The following ATRN variants were observed in gnomAD, a reference collection of about 807,000 sequenced individuals.
ATRN encodes the protein attractin, also known as attractin-2.
ATRN carries 54 observed loss-of-function variants against 178.7 expected under a neutral mutation model. That is an observed-to-expected ratio of 0.30 (90% CI 0.24 to 0.38). The LOEUF (loss-of-function observed/expected upper bound fraction) is 0.38, where lower values mean the gene tolerates loss of function less well. ATRN is among the 10% of genes least tolerant of loss of function. ATRN has a pLI of 1.00. For synonymous variants in ATRN, 636 were observed against 663.0 expected (o/e 0.96, Z 0.63); for missense variants, 1,443 against 1,815.1 (o/e 0.79, Z 3.73).
chr20:3,631,643 G>C (rs2086990495), intron 25 of ATRN, among the ~76,000 whole-genome samples: 1 of 152,100 alleles, frequency 6.6e-6, no homozygotes, highest in African/African-American at 2.4e-5. Flanking sequence ...GAATACAGAA[G>C]GGCCCTCTCA....
At chr20:3,552,395 A>C (rs1410047934) in intron 6 of ATRN, among the ~76,000 whole-genome samples, 1 of 149,256 alleles carries the variant, frequency 6.7e-6, no homozygotes, top group Non-Finnish European at 1.5e-5. Context: ...CATGTCCCAC[A>C]CTCATCTTTT....
chr20:3,615,574 G>GAACACTTC (rs2086834140), intron 24 of ATRN, among the ~76,000 whole-genome samples: 1 of 117,224 alleles, frequency 8.5e-6, no homozygotes, highest in African/African-American at 3.2e-5. Flanking sequence ...TTTTTTTTTG[G>GAACACTTC]AGACAGAGTC....
intron 18 of ATRN, 139 bp from the exon 19 acceptor site, chr20:3,591,030 A>G: frequency 1.1e-6 from 1 of 923,032 alleles, no homozygotes. Flanking sequence ...TTATTTCTCA[A>G]ATTAGTTTTT....
intron 1 of ATRN, among the ~76,000 whole-genome samples, chr20:3,506,881 AAAG>A (rs1251731538): frequency 6.6e-6 from 1 of 152,092 alleles, no homozygotes; most frequent in Non-Finnish European, 1.5e-5. Flanking sequence ...GAAAGTATAA[AAAG>A]AAGCATTGGA....
At chr20:3,607,004 T>G (rs1173262060) in intron 24 of ATRN, among the ~76,000 whole-genome samples, 1 of 152,226 alleles carries the variant, frequency 6.6e-6, no homozygotes, top group East Asian at 1.9e-4. Context: ...CTGATTCAGC[T>G]TCTTTAATAG....
At chr20:3,631,943 C>T (rs964380840) in intron 25 of ATRN, among the ~76,000 whole-genome samples, 2 of 152,182 alleles carry the variant, frequency 1.3e-5, no homozygotes, top group African/African-American at 4.8e-5. Flanking sequence ...TCCTCAACTT[C>T]TCATTGTTAG....
chr20:3,547,880 G>T (rs561637030), intron 5 of ATRN, among the ~76,000 whole-genome samples: 1 of 63,732 alleles, frequency 1.6e-5, no homozygotes, highest in Non-Finnish European at 3.2e-5. Flanking sequence ...AAAGGAGTTA[G>T]CTAATAGTTA....
chr20:3,534,066 AGGGCAT>A (rs2085490518), intron 1 of ATRN, among the ~76,000 whole-genome samples: 1 of 152,206 alleles, frequency 6.6e-6, no homozygotes, highest in African/African-American at 2.4e-5. Flanking sequence ...TTTGGGGAGT[AGGGCAT>A]GGATACATCT....
At chr20:3,490,660 G>C (rs1166479232) in intron 1 of ATRN, 1 of 853,502 alleles carries the variant, frequency 1.2e-6, no homozygotes, top group East Asian at 2.4e-5. Flanking sequence ...CTCTTCACTT[G>C]GATTCTCTGA....
rs2146218654 is a variant in ATRN at position 3,559,340 on chromosome 20, T to C, written c.1113-53T>C. The C allele has an allele frequency of 2.4e-6, 3 of 1,254,784 alleles. No individual in the cohort carries two copies. The East Asian group carries it at 7.0e-5, about 29-fold the overall frequency. The allele number at this position is 1,254,784 out of a possible 1,614,324, so 77.7% of individuals were successfully genotyped here. A position where few individuals can be genotyped will look rare whatever the true frequency, so the allele number is the denominator to read the frequency against. On this transcript the variant is annotated intron_variant, in intron 6 of 28. Transcript: ENST00000262919. ...GGATTATGTCACAAATAAAATAGTA[T>C]GAGATGTTCTGTCTTATTAGTTGGG...
chr20:3,565,407 G>T lies in ATRN; in HGVS notation c.1846G>T (p.Gly616Cys). The T allele has an allele frequency of 6.2e-7, 1 of 1,614,002 alleles. No homozygotes were observed. The highest frequency in any genetic ancestry group is 8.5e-7 in the Non-Finnish European group (1 of 1,179,944). Residue 616 changes from glycine (G) to cysteine (C), a missense_variant, in exon 11 of 29, where the codon GGC (glycine) becomes TGC (cysteine). Physicochemically the swap from Gly to Cys is radical, Grantham distance 159. Around this residue, in one of 4 missense-constraint regions of ATRN, gnomAD observed 862 missense variants for 972.1 expected, o/e 0.89. Transcript: ENST00000262919. Reference sequence around the variant, plus strand: ...TCTCCACCATGATGTCAACAGATTTGGCCATTCAGCAGTCTTACACAACAG... The same window carrying T: ...TCTCCACCATGATGTCAACAGATTTTGCCATTCAGCAGTCTTACACAACAG... ...PDLHHDVNRF[G>C]HSAVLHNSTM...
At chr20:3,534,799 A>G (rs538685072) in intron 1 of ATRN, among the ~76,000 whole-genome samples, 5 of 152,172 alleles carry the variant, frequency 3.3e-5, no homozygotes, top group African/African-American at 1.2e-4. Flanking sequence ...CTCTGTTTCT[A>G]CAAAAAATAA....
Position 3,647,021 on chromosome 20 carries a change from C to T in ATRN, c.*174C>T. ...AGCTTTCTTTGACGGTTTCTCCCAT[C>T]CGTGTTCCAGCATCTAACCTTTTAC... On this transcript the variant is annotated 3_prime_UTR_variant, in exon 29 of 29. Transcript: ENST00000262919. The T allele has an allele frequency of 1.2e-6, 1 of 846,592 alleles. No homozygotes were observed. Among genetic ancestry groups the T allele is most frequent in the Non-Finnish European group, 1.7e-6 (1 of 583,666 alleles). The allele number at this position is 846,592 out of a possible 1,614,324, so 52.4% of individuals were successfully genotyped here.
chr20:3,510,021 A>G (rs926002256), intron 1 of ATRN, among the ~76,000 whole-genome samples: 1 of 152,178 alleles, frequency 6.6e-6, no homozygotes, highest in African/African-American at 2.4e-5. Flanking sequence ...TAAACTATAT[A>G]TATCGTGGCT....
intron 24 of ATRN, among the ~76,000 whole-genome samples, chr20:3,608,979 G>GA (rs71195846): frequency 0.78 from 111,002 of 142,014 alleles, 43,514 homozygotes; most frequent in East Asian, 0.99. Context: ...AAAAAAAAAA[G>GA]AAAAAAAAAA....
intron 20 of ATRN, among the ~76,000 whole-genome samples, chr20:3,595,123 C>T (rs925119139): frequency 6.6e-6 from 1 of 152,208 alleles, no homozygotes; most frequent in Non-Finnish European, 1.5e-5. Flanking sequence ...GGTTTCAGAC[C>T]TGGCCCTGCC....
chr20:3,554,174 CA>C (rs2085829071), intron 6 of ATRN, among the ~76,000 whole-genome samples: 1 of 151,692 alleles, frequency 6.6e-6, no homozygotes, highest in African/African-American at 2.4e-5. Flanking sequence ...TTCTACTGAT[CA>C]AAACATGATT....
chr20:3,549,824 C>T (rs235598), intron 6 of ATRN, among the ~76,000 whole-genome samples: 113,871 of 152,080 alleles, frequency 0.75, 43,084 homozygotes, highest in East Asian at 1. Context: ...AATTTATAAA[C>T]ATTTAATCTT....
At chr20:3,477,393 G>A in intron 1 of ATRN, among the ~76,000 whole-genome samples, 1 of 2,300 alleles carries the variant, frequency 4.3e-4, no homozygotes, top group Non-Finnish European at 9.2e-4. Context: ...TTTCCCCAGT[G>A]CAATGTAAGT....
Sources: gnomAD v4.1 joint callset for allele counts (sites outside exome capture counted in the v4.1 genomes callset) on GRCh38, gnomAD v4.1.1 for gene constraint, gnomAD v4.1.1 regional missense constraint, MANE v1.5 for transcripts, NCBI Gene and HGNC (gene_info 2026-07-23, HGNC 2026-07-21) for gene names.